The following TCF12 variants were observed in gnomAD, a reference collection of about 807,000 sequenced individuals.
The protein encoded by TCF12 is DNA-binding protein HTF4.
TCF12 carries 45 observed loss-of-function variants against 86.0 expected under a neutral mutation model. That is an observed-to-expected ratio of 0.52 (90% confidence interval 0.41 to 0.67). The LOEUF (loss-of-function observed/expected upper bound fraction) is 0.67, where lower values mean the gene tolerates loss of function less well. Ranked by LOEUF, TCF12 falls within the 30% of genes least tolerant of loss-of-function variation. The probability of loss-of-function intolerance (pLI) is 0.00; values close to 1 mark genes in which losing one functional copy is unlikely to be tolerated. For missense variants in TCF12, 881 were observed against 859.9 expected, an observed-to-expected ratio of 1.02 and a Z score of -0.31; for synonymous variants, 330 against 299.6, an observed-to-expected ratio of 1.10 and a Z score of -1.05.
chr15:57,128,891 T>A (rs970432070), intron 5 of TCF12, among the ~76,000 whole-genome samples: 3 of 152,262 alleles, frequency 2.0e-5, no homozygotes, highest in Non-Finnish European at 4.4e-5. Context: ...CTGAATAATA[T>A]TCCATTGTAT....
chr15:57,256,503 A>G (rs763651078), intron 16 of TCF12, among the ~76,000 whole-genome samples: 28 of 152,202 alleles, frequency 1.8e-4, no homozygotes, highest in Middle Eastern at 3.4e-3. Context: ...CTAACTAATC[A>G]TGACTAAGAA....
intron 8 of TCF12, among the ~76,000 whole-genome samples, chr15:57,204,148 A>C (rs2057695672): frequency 6.6e-6 from 1 of 152,168 alleles, no homozygotes. Flanking sequence ...TGTAATTTAG[A>C]AAGTGATGAG....
chr15:57,251,280 C>G, intron 13 of TCF12, 70 bp from the exon 14 acceptor site: 1 of 1,319,894 alleles, frequency 7.6e-7, no homozygotes, highest in Non-Finnish European at 1.1e-6. Flanking sequence ...GTATCTTTAC[C>G]CTTTCCTTCA....
At chr15:57,234,586 C>A (rs2059305446) in intron 12 of TCF12, among the ~76,000 whole-genome samples, 1 of 152,070 alleles carries the variant, frequency 6.6e-6, no homozygotes, top group African/African-American at 2.4e-5. Flanking sequence ...ATTGAAGAAT[C>A]ATGTTAAAAT....
chr15:57,242,699 C>G (rs181504810), intron 12 of TCF12, among the ~76,000 whole-genome samples: 1 of 152,072 alleles, frequency 6.6e-6, no homozygotes, highest in African/African-American at 2.4e-5. Context: ...ATTAGATGTA[C>G]TTGAATTAAT....
At chr15:57,193,792 C>T (rs1370644195) in intron 7 of TCF12, among the ~76,000 whole-genome samples, 1 of 152,182 alleles carries the variant, frequency 6.6e-6, no homozygotes, top group African/African-American at 2.4e-5. Context: ...TATGATAGAT[C>T]ATCATATTCA....
intron 13 of TCF12, chr15:57,247,341 A>G: frequency 3.0e-6 from 2 of 655,772 alleles, no homozygotes; most frequent in Admixed American, 4.3e-5. Context: ...TTTCCACCAC[A>G]GCCAAAACTA....
In TCF12 at chr15:56,988,512, G is replaced by A. The variant is rs146290283; in HGVS notation, c.148+67414G>A. Reference sequence around the variant, plus strand: ...TTATGTGGTACATGACTGTATTTTTGTTTGAACTGTTTAGTGACTGTCAAC... The same window carrying A: ...TTATGTGGTACATGACTGTATTTTTATTTGAACTGTTTAGTGACTGTCAAC... On this transcript the variant is annotated intron_variant, in intron 3 of 20. Transcript: ENST00000333725. Among the ~76,000 whole-genome samples, 8 of 152,216 alleles carry A rather than the reference G, an allele frequency of 5.3e-5. No individual in the cohort carries two copies. In the East Asian group the frequency reaches 1.5e-3, roughly 29 times the overall value.
chr15:57,071,876 A>G (rs1419103669), intron 4 of TCF12, among the ~76,000 whole-genome samples: 3 of 152,204 alleles, frequency 2.0e-5, no homozygotes, highest in Non-Finnish European at 2.9e-5. Flanking sequence ...GAAATATGGA[A>G]TGATGGAAAC....
chr15:56,928,813 A>G (rs2060125991), intron 3 of TCF12, among the ~76,000 whole-genome samples: 1 of 152,200 alleles, frequency 6.6e-6, no homozygotes, highest in Non-Finnish European at 1.5e-5. Context: ...GGAGTGAGGC[A>G]TAGTCTAAAT....
At chr15:57,028,313 T>C (rs1200084439) in intron 3 of TCF12, among the ~76,000 whole-genome samples, 1 of 152,214 alleles carries the variant, frequency 6.6e-6, no homozygotes, top group African/African-American at 2.4e-5. Flanking sequence ...CTTCATAGCC[T>C]TATGAAAATG....
At chr15:57,155,462 A>G (rs538189840) in intron 5 of TCF12, among the ~76,000 whole-genome samples, 4 of 152,290 alleles carry the variant, frequency 2.6e-5, no homozygotes, top group African/African-American at 7.2e-5. Flanking sequence ...TGAAAATTGA[A>G]CATGTCATAT....
At chr15:57,154,944 C>T (rs1457311594) in intron 5 of TCF12, among the ~76,000 whole-genome samples, 1 of 152,166 alleles carries the variant, frequency 6.6e-6, no homozygotes, top group Non-Finnish European at 1.5e-5. Flanking sequence ...TTAATTACCC[C>T]TTGTTTGTCA....
At chr15:57,237,926 C>T (rs1385364260) in intron 12 of TCF12, among the ~76,000 whole-genome samples, 3 of 152,152 alleles carry the variant, frequency 2.0e-5, no homozygotes, top group African/African-American at 7.2e-5. Context: ...TTGTATTGCT[C>T]CTCCTCTCCC....
At chr15:57,116,711 A>AT (rs1300512775) in intron 5 of TCF12, among the ~76,000 whole-genome samples, 1 of 152,186 alleles carries the variant, frequency 6.6e-6, no homozygotes, top group Non-Finnish European at 1.5e-5. Context: ...TAAATGATAT[A>AT]TGAGAGCTAT....
intron 5 of TCF12, among the ~76,000 whole-genome samples, chr15:57,112,145 T>C (rs1428478050): frequency 6.6e-6 from 1 of 152,192 alleles, no homozygotes; most frequent in Non-Finnish European, 1.5e-5. Context: ...AACTTTTTAG[T>C]CCAGAAACAT....
intron 19 of TCF12, among the ~76,000 whole-genome samples, chr15:57,274,301 A>G (rs775466810): frequency 6.6e-6 from 1 of 152,232 alleles, no homozygotes; most frequent in African/African-American, 2.4e-5. Flanking sequence ...TCAGAAATAT[A>G]TACAGTAGTA....
At position 56,991,075 on chromosome 15, in the gene TCF12, C is replaced by T. The variant is rs183807522; in HGVS notation, c.148+69977C>T. Among the ~76,000 whole-genome samples, 606 of 152,228 alleles carry T rather than the reference C, an allele frequency of 4.0e-3. 4 individuals are homozygous for T. Among genetic ancestry groups the T allele is most frequent in the African/African-American group, 0.013 (527 of 41,524 alleles). On this transcript the variant is annotated intron_variant, in intron 3 of 20. Coordinates refer to ENST00000333725, the MANE Select transcript of TCF12 (RefSeq NM_207037.2). Reference sequence around the variant, plus strand: ...CCTCCCAAAGTGCTGACATTACAGACGCGAGCCACTGTGCCTGGCCAGTCT... The same window carrying T: ...CCTCCCAAAGTGCTGACATTACAGATGCGAGCCACTGTGCCTGGCCAGTCT...
chr15:56,950,085 A>G (rs1293461632), intron 3 of TCF12, among the ~76,000 whole-genome samples: 3 of 152,244 alleles, frequency 2.0e-5, no homozygotes, highest in Non-Finnish European at 4.4e-5. Flanking sequence ...GAATGTATAC[A>G]TCATTCTCAA....
Sources: gnomAD v4.1 joint callset for allele counts (sites outside exome capture counted in the v4.1 genomes callset) on GRCh38, gnomAD v4.1.1 for gene constraint, MANE v1.5 for transcripts, NCBI Gene and HGNC (gene_info 2026-07-23, HGNC 2026-07-21) for gene names.